CELF2: variants seen among roughly 807,000 people sequenced by gnomAD.
The protein encoded by CELF2 is CUG triplet repeat RNA-binding protein 2.
CELF2 carries 8 observed loss-of-function variants against 62.6 expected under a neutral mutation model. The ratio of observed to expected loss-of-function variants is 0.13; its 90% CI spans 0.07 to 0.23. The LOEUF is 0.23. CELF2 is among the 10% of genes least tolerant of loss of function. The pLI, the probability that CELF2 is intolerant of heterozygous loss-of-function variation, is 1.00. For synonymous variants in CELF2, 258 were observed against 250.0 expected (o/e 1.03, Z -0.30); for missense variants, 333 against 671.0 (o/e 0.50, Z 5.56).
chr10:10,592,292 AC>A, the CELF2 span, among the ~76,000 whole-genome samples: 1 of 152,206 alleles, frequency 6.6e-6, no homozygotes, highest in Non-Finnish European at 1.5e-5. Context: ...GGTGAGTTTT[AC>A]GATGGTGCTA....
rs2094148278 is a variant in CELF2, at chr10:11,305,693, C to G, written c.977-8446C>G. ...TACAGTGTTAACCTAAGACAAGAATCTCTTCTGGGTGTAGTGTTCATCCCA... is the reference window on the plus strand; with the variant it reads ...TACAGTGTTAACCTAAGACAAGAATGTCTTCTGGGTGTAGTGTTCATCCCA... On this transcript the variant is annotated intron_variant, in intron 9 of 12. Transcript: ENST00000633077. The surrounding 1 kb of genome is among the most constrained non-coding windows in gnomAD (Gnocchi z 4.8). Among the ~76,000 whole-genome samples the G allele has an allele frequency of 6.6e-6, 1 of 152,330 alleles. No individual in the cohort carries two copies. The highest frequency in any genetic ancestry group is 2.1e-4 in the South Asian group (1 of 4,826).
chr10:11,153,597 G>C (rs1216755073), intron 1 of CELF2, among the ~76,000 whole-genome samples: 1 of 152,230 alleles, frequency 6.6e-6, no homozygotes, highest in Non-Finnish European at 1.5e-5. Context: ...TATGTGGCAA[G>C]TTTACCCTAA....
chr10:10,696,173 G>T, the CELF2 span, among the ~76,000 whole-genome samples: 8 of 152,132 alleles, frequency 5.3e-5, no homozygotes, highest in African/African-American at 1.9e-4. Context: ...ATGTACAGAT[G>T]GGTTTTTGGT....
rs34480491 is a variant in CELF2 at position 11,333,965 on chromosome 10, GTTGA to G, written c.*4930_*4933del. On this transcript the variant is annotated 3_prime_UTR_variant, in exon 13 of 13. Coordinates refer to ENST00000633077, the MANE Select transcript of CELF2 (RefSeq NM_001326342.2). Reference sequence around the variant, plus strand: ...TGACTGATTTCAAGTTTGATTTCGGGTTGATTGATTGATTGATTGATAGAAAGAA... The same window carrying G: ...TGACTGATTTCAAGTTTGATTTCGGGTTGATTGATTGATTGATAGAAAGAA... 49,283 of 151,690 alleles carry G rather than the reference GTTGA, an allele frequency of 0.32. 8,833 individuals are homozygous for G. The highest frequency in any genetic ancestry group is 0.48 in the African/African-American group (19,568 of 41,114). The allele number at this position is 151,690 out of a possible 1,614,324, so 9.4% of individuals were successfully genotyped here.
chr10:11,298,440 T>G (rs1321404243), intron 9 of CELF2, among the ~76,000 whole-genome samples: 1 of 152,212 alleles, frequency 6.6e-6, no homozygotes, highest in African/African-American at 2.4e-5. Flanking sequence ...AGAAGGGTAC[T>G]TATATCACAT....
rs1472106202 is a variant in CELF2, at chr10:11,157,326, A to G, written c.75-8160A>G. On this transcript the variant is annotated intron_variant, in intron 1 of 12. Transcript: ENST00000633077. This position sits in a 1 kb window ranked among gnomAD's most constrained non-coding sequence, Gnocchi z 4.9. ...CTCCCCAGTTTTTTGTTTCGTTTCA[A>G]TGCCATTGCCAACTAGGTGAAATGG... 2.0e-5 allele frequency among the ~76,000 whole-genome samples: 3 copies of G among 152,028 alleles called. No homozygotes were observed. Among genetic ancestry groups the G allele is most frequent in the African/African-American group, 7.3e-5 (3 of 41,372 alleles).
chr10:10,684,312 CAA>C, the CELF2 span, among the ~76,000 whole-genome samples: 1 of 152,256 alleles, frequency 6.6e-6, no homozygotes, highest in South Asian at 2.1e-4. Context: ...AGAGCCCAAA[CAA>C]AGTGAGTTTG....
At chr10:10,542,819 C>T in the CELF2 span, among the ~76,000 whole-genome samples, 2 of 152,176 alleles carry the variant, frequency 1.3e-5, no homozygotes, top group Non-Finnish European at 2.9e-5. Flanking sequence ...AGTCTGACTT[C>T]CTCCCAGTGA....
the CELF2 span, among the ~76,000 whole-genome samples, chr10:10,754,848 T>C: frequency 2.0e-5 from 3 of 152,204 alleles, no homozygotes; most frequent in Non-Finnish European, 4.4e-5. Context: ...AATAACTCCT[T>C]CTTATGATAA....
At chr10:11,121,688 G>A (rs1269028952) in intron 1 of CELF2, among the ~76,000 whole-genome samples, 3 of 151,590 alleles carry the variant, frequency 2.0e-5, no homozygotes, top group Non-Finnish European at 2.9e-5. Context: ...AGTGCTAAGA[G>A]GCTAGTATTT....
At chr10:10,725,396 G>T in the CELF2 span, among the ~76,000 whole-genome samples, 14 of 152,154 alleles carry the variant, frequency 9.2e-5, no homozygotes, top group Admixed American at 6.5e-4. Context: ...TAAATAGTCC[G>T]CAACAGTACG....
the CELF2 span, among the ~76,000 whole-genome samples, chr10:10,493,091 G>C: frequency 3.9e-5 from 6 of 152,176 alleles, no homozygotes; most frequent in Non-Finnish European, 8.8e-5. Context: ...AACTGATACG[G>C]TCACCCTCTA....
chr10:11,013,035 C>G (rs557380216), upstream of CELF2, among the ~76,000 whole-genome samples: 2 of 152,250 alleles, frequency 1.3e-5, no homozygotes, highest in East Asian at 3.9e-4. This position sits in a 1 kb window ranked among gnomAD's most constrained non-coding sequence, Gnocchi z 4.1. Flanking sequence ...CCTCCTCTTC[C>G]TGGTAATGTC....
chr10:11,029,673 T>C lies in CELF2; in HGVS notation c.74+11510T>C, dbSNP rs1349592599. ...CAATATCAAAGATGACTGTTGTTGC[T>C]GAGATTCTTGGGAAGGGAAAACTAG... is the stretch of plus-strand genomic sequence containing the variant. On this transcript the variant is annotated intron_variant, in intron 1 of 12. Transcript: ENST00000633077. Among the ~76,000 whole-genome samples the C allele has an allele frequency of 2.6e-5, 4 of 152,228 alleles. No homozygotes were observed. The East Asian group carries it at 5.8e-4, about 22-fold the overall frequency.
rs1476794151 is a variant in CELF2 at position 11,302,772 on chromosome 10, C to A, written c.977-11367C>A. On this transcript the variant is annotated intron_variant, in intron 9 of 12. Transcript: ENST00000633077. The surrounding 1 kb of genome is among the most constrained non-coding windows in gnomAD (Gnocchi z 5.0). ...TGTATTTATGTCGATCCTTTGTTCT[C>A]GGGTCTCTAAATTGACATGAGATTT... 6.6e-6 allele frequency among the ~76,000 whole-genome samples: 1 copy of A among 152,128 alleles called. No individual in the cohort carries two copies. The highest frequency in any genetic ancestry group is 2.4e-5 in the African/African-American group (1 of 41,412).
the CELF2 span, among the ~76,000 whole-genome samples, chr10:10,790,439 GT>G: frequency 5.9e-4 from 90 of 152,180 alleles, no homozygotes; most frequent in African/African-American, 2.0e-3. Context: ...CATAGTTTCT[GT>G]TGCCTACACC....
chr10:10,791,636 C>G, the CELF2 span, among the ~76,000 whole-genome samples: 1 of 152,030 alleles, frequency 6.6e-6, no homozygotes, highest in African/African-American at 2.4e-5. Flanking sequence ...GCTTCTAGTT[C>G]AGTATAGATT....
chr10:10,786,973 A>G, the CELF2 span, among the ~76,000 whole-genome samples: 1 of 151,502 alleles, frequency 6.6e-6, no homozygotes, highest in Admixed American at 6.6e-5. Flanking sequence ...CTGTTTTCAT[A>G]GTGAACTCAT....
At chr10:10,866,303 GC>G (rs1554858978) in intron 1 of CELF2, among the ~76,000 whole-genome samples, 5 of 151,782 alleles carry the variant, frequency 3.3e-5, no homozygotes, top group Non-Finnish European at 7.4e-5. Flanking sequence ...GAGCTGTGAG[GC>G]TTTACGAGTA....
Sources: allele counts gnomAD v4.1 joint callset (sites outside exome capture counted in the v4.1 genomes callset), GRCh38; gene constraint gnomAD v4.1.1; non-coding constraint Gnocchi (gnomAD v3.1); transcripts MANE v1.5; gene names NCBI Gene and HGNC (gene_info 2026-07-23, HGNC 2026-07-21).